NTM: variants seen among roughly 807,000 people sequenced by gnomAD.
The protein encoded by NTM is neurotrimin.
A neutral mutation model predicts 42.1 loss-of-function variants in NTM; 13 were observed. That is an observed-to-expected ratio of 0.31 (90% confidence interval 0.20 to 0.49). The LOEUF (loss-of-function observed/expected upper bound fraction) is 0.49. Ranked by LOEUF, NTM falls within the 20% of genes least tolerant of loss-of-function variation. The probability of loss-of-function intolerance (pLI) is 0.99; values close to 1 mark genes in which losing one functional copy is unlikely to be tolerated. For synonymous variants in NTM, 187 were observed against 179.2 expected, an observed-to-expected ratio of 1.04 and a Z score of -0.35; for missense variants, 373 against 452.8, an observed-to-expected ratio of 0.82 and a Z score of 1.60.
At chr11:131,879,217 A>G (rs1441170590) in intron 1 of NTM, among the ~76,000 whole-genome samples, 1 of 151,920 alleles carries the variant, frequency 6.6e-6, no homozygotes, top group Non-Finnish European at 1.5e-5. Flanking sequence ...GGATCTTTCC[A>G]CCTTTTACTA....
At chr11:131,932,459 G>T (rs923224501) in intron 2 of NTM, among the ~76,000 whole-genome samples, 3 of 152,156 alleles carry the variant, frequency 2.0e-5, no homozygotes, top group African/African-American at 7.2e-5. Flanking sequence ...AACATTTGAG[G>T]AAAAGAGATT....
chr11:132,088,158 G>C (rs1303669244), intron 2 of NTM, among the ~76,000 whole-genome samples: 3 of 152,174 alleles, frequency 2.0e-5, no homozygotes, highest in Non-Finnish European at 4.4e-5. Flanking sequence ...GATAAATGCT[G>C]TTACAGTACC....
At chr11:132,270,316 T>C (rs1422851238) in intron 4 of NTM, among the ~76,000 whole-genome samples, 8 of 152,128 alleles carry the variant, frequency 5.3e-5, no homozygotes, top group African/African-American at 1.9e-4. Context: ...ACTGCAACCT[T>C]TGCCTCCTGG....
At chr11:132,109,123 G>A (rs1259741373) in intron 2 of NTM, among the ~76,000 whole-genome samples, 1 of 152,150 alleles carries the variant, frequency 6.6e-6, no homozygotes, top group Non-Finnish European at 1.5e-5. Context: ...ATTTGGGTTA[G>A]TTCCAAGTCT....
chr11:132,057,703 A>G (rs2079921777), intron 2 of NTM, among the ~76,000 whole-genome samples: 1 of 152,200 alleles, frequency 6.6e-6, no homozygotes, highest in Non-Finnish European at 1.5e-5. Context: ...TCACACAAAC[A>G]TAGTAGACCC....
chr11:131,955,587 A>G (rs1180269105), intron 2 of NTM, among the ~76,000 whole-genome samples: 4 of 152,340 alleles, frequency 2.6e-5, no homozygotes, highest in African/African-American at 9.6e-5. Flanking sequence ...AAAGATACAT[A>G]AATGACAAAA....
chr11:131,787,833 A>C (rs1361875223), intron 1 of NTM, among the ~76,000 whole-genome samples: 3 of 152,164 alleles, frequency 2.0e-5, no homozygotes, highest in African/African-American at 7.2e-5. Flanking sequence ...GCTTAAGTTG[A>C]TCTGTTCAGC....
At chr11:131,520,810 T>C (rs2136555232) in intron 1 of NTM, among the ~76,000 whole-genome samples, 1 of 152,194 alleles carries the variant, frequency 6.6e-6, no homozygotes, top group Non-Finnish European at 1.5e-5. Flanking sequence ...CAAGTACATA[T>C]GTCTCAGTCC....
At chr11:132,243,012 C>A (rs2090475508) in intron 4 of NTM, among the ~76,000 whole-genome samples, 1 of 152,116 alleles carries the variant, frequency 6.6e-6, no homozygotes, top group African/African-American at 2.4e-5. Context: ...TCAAGAAAAA[C>A]CCATTTTTGC....
chr11:132,317,600 T>TAATA, intron 7 of NTM: 2 of 1,054,358 alleles, frequency 1.9e-6, no homozygotes, highest in Non-Finnish European at 2.6e-6. Context: ...GCACTGTATA[T>TAATA]AATATATGTG....
At chr11:131,878,583 AAAAAAAAAAAAATATATAT>A (rs2048884190) in intron 1 of NTM, among the ~76,000 whole-genome samples, 1 of 54,018 alleles carries the variant, frequency 1.9e-5, no homozygotes, top group African/African-American at 8.4e-5. Flanking sequence ...AAAAAAAAAA[AAAAAAAAAAAAATATATAT>A]ATATATATAT....
intron 1 of NTM, among the ~76,000 whole-genome samples, chr11:131,522,709 C>T (rs968014175): frequency 1.3e-5 from 2 of 152,192 alleles, no homozygotes; most frequent in Non-Finnish European, 2.9e-5. Context: ...CTTCAAGTGT[C>T]CAAAACCCTG....
chr11:131,417,974 C>G (rs983064585), intron 1 of NTM, among the ~76,000 whole-genome samples: 10 of 152,152 alleles, frequency 6.6e-5, no homozygotes, highest in Admixed American at 6.5e-4. Flanking sequence ...TTCATTTGCT[C>G]TTTTAATGGG....
intron 2 of NTM, among the ~76,000 whole-genome samples, chr11:132,057,260 A>G (rs2079844360): frequency 6.7e-6 from 1 of 149,928 alleles, no homozygotes; most frequent in Admixed American, 6.7e-5. Flanking sequence ...AGTCTAAAAT[A>G]TACGGTGTAT....
At chr11:131,398,352 G>A (rs191259960) in intron 1 of NTM, among the ~76,000 whole-genome samples, 19 of 152,212 alleles carry the variant, frequency 1.2e-4, no homozygotes, top group African/African-American at 4.3e-4. Context: ...CCATACAAAG[G>A]AAGCTTTAAA....
At chr11:132,196,883 A>G (rs2080308877) in intron 3 of NTM, among the ~76,000 whole-genome samples, 1 of 152,184 alleles carries the variant, frequency 6.6e-6, no homozygotes, top group Admixed American at 6.5e-5. Context: ...ATGTAAACTC[A>G]CAATTTACCC....
At chr11:131,614,228 G>A (rs2061706064) in intron 1 of NTM, among the ~76,000 whole-genome samples, 1 of 152,162 alleles carries the variant, frequency 6.6e-6, no homozygotes, top group African/African-American at 2.4e-5. Context: ...GGGACCGTGA[G>A]CGCAGTGGAC....
chr11:131,379,507 C>T (rs1942389265), intron 1 of NTM, among the ~76,000 whole-genome samples: 1 of 152,164 alleles, frequency 6.6e-6, no homozygotes, highest in East Asian at 1.9e-4. Flanking sequence ...GGTTTGAGGT[C>T]TGTGGCAATT....
At chr11:132,271,523 C>G (rs898702397) in intron 4 of NTM, among the ~76,000 whole-genome samples, 1 of 151,468 alleles carries the variant, frequency 6.6e-6, no homozygotes, top group African/African-American at 2.4e-5. Flanking sequence ...TAGCATATGA[C>G]TCTTCCAATA....
Sources: gnomAD v4.1 joint callset for allele counts (sites outside exome capture counted in the v4.1 genomes callset) on GRCh38, gnomAD v4.1.1 for gene constraint, MANE v1.5 for transcripts, NCBI Gene and HGNC (gene_info 2026-07-23, HGNC 2026-07-21) for gene names.